ZNF385D: variants seen among roughly 807,000 people sequenced by gnomAD.
ZNF385D encodes zinc finger protein 385D.
In ZNF385D, 15 loss-of-function variants were observed where a neutral mutation model predicts 35.8. The observed-to-expected ratio is 0.42, with a 90% CI of 0.28 to 0.64. The LOEUF is 0.64. ZNF385D is among the 30% of genes least tolerant of loss of function. The pLI is 0.23. For synonymous variants in ZNF385D, 212 were observed against 186.8 expected (o/e 1.13, Z -1.10); for missense variants, 474 against 494.6 (o/e 0.96, Z 0.39).
At chr3:21,881,250 C>T (rs1050397577) in intron 3 of ZNF385D, among the ~76,000 whole-genome samples, 1 of 152,030 alleles carries the variant, frequency 6.6e-6, no homozygotes, top group East Asian at 1.9e-4. Context: ...GAAGTTAGTG[C>T]CTGGCATCAA....
At chr3:21,640,279 T>C (rs892466487) in intron 2 of ZNF385D, among the ~76,000 whole-genome samples, 3 of 152,142 alleles carry the variant, frequency 2.0e-5, no homozygotes, top group Admixed American at 1.3e-4. Context: ...CACTTTTTGA[T>C]TGAGCCATGA....
At chr3:22,123,956 C>CTATATA (rs1289766270) in intron 3 of ZNF385D, among the ~76,000 whole-genome samples, 5 of 86,638 alleles carry the variant, frequency 5.8e-5, no homozygotes, top group South Asian at 3.8e-4. Context: ...CTCTCTCTCT[C>CTATATA]TCTCTCTATA....
In ZNF385D at chr3:21,865,045, C is replaced by CTTTTT. The variant is rs3073907; in HGVS notation, c.326-200022_326-200018dup. Among the ~76,000 whole-genome samples, 42 of 21,200 alleles carry CTTTTT rather than the reference C, an allele frequency of 2.0e-3. 4 individuals carry two copies. Among genetic ancestry groups the CTTTTT allele is most frequent in the East Asian group, 0.012 (6 of 518 alleles). 13.9% of individuals were successfully genotyped at this position (21,200 alleles called of 152,430 possible). A position where few individuals can be genotyped will look rare whatever the true frequency, so the allele number is the denominator to read the frequency against. Reference sequence around the variant, plus strand: ...ATTACTCTGTGGGGTACAGGGAAGACTTTTTTTTTTTTTTTTTTTTTTTTT... The same window carrying CTTTTT: ...ATTACTCTGTGGGGTACAGGGAAGACTTTTTTTTTTTTTTTTTTTTTTTTTTTTTT... On this transcript the variant is annotated intron_variant, in intron 3 of 5. Transcript: ENST00000494108.
intron 3 of ZNF385D, among the ~76,000 whole-genome samples, chr3:22,087,525 A>G (rs1337599894): frequency 6.6e-6 from 1 of 152,160 alleles, no homozygotes; most frequent in Non-Finnish European, 1.5e-5. Flanking sequence ...GAAATGTAAC[A>G]TGATGACTGG....
intron 3 of ZNF385D, among the ~76,000 whole-genome samples, chr3:21,925,782 T>TA (rs200407797): frequency 1.7e-4 from 26 of 151,690 alleles, no homozygotes; most frequent in Non-Finnish European, 1.0e-4. Context: ...AACTTGACAG[T>TA]AAAAAAAACC....
In ZNF385D at chr3:22,122,678, G is replaced by T. The variant is rs555585307; in HGVS notation, c.325+46139C>A. On this transcript the variant is annotated intron_variant, in intron 3 of 5. Transcript: ENST00000494108. ...TCTATGGAAGAAAGAAGAACAGAGAGTATATATATGGGGGAGGTAACAATT... is the reference window on the plus strand; with the variant it reads ...TCTATGGAAGAAAGAAGAACAGAGATTATATATATGGGGGAGGTAACAATT... Among the ~76,000 whole-genome samples the T allele has an allele frequency of 3.3e-5, 5 of 152,136 alleles. No individual in the cohort carries two copies. The East Asian group carries it at 9.6e-4, about 29-fold the overall frequency.
intron 4 of ZNF385D, among the ~76,000 whole-genome samples, chr3:21,496,016 A>T (rs1360317234): frequency 1.3e-5 from 2 of 151,948 alleles, no homozygotes; most frequent in African/African-American, 4.8e-5. Flanking sequence ...TGAATCCCTG[A>T]AAAAACCAAT....
chr3:21,620,302 A>C (rs1411806884), intron 2 of ZNF385D, among the ~76,000 whole-genome samples: 1 of 152,102 alleles, frequency 6.6e-6, no homozygotes, highest in African/African-American at 2.4e-5. Flanking sequence ...CCACTACTCA[A>C]ATGAATCATC....
intron 1 of ZNF385D, among the ~76,000 whole-genome samples, chr3:21,671,981 T>C (rs1054857031): frequency 6.6e-6 from 1 of 152,144 alleles, no homozygotes; most frequent in Non-Finnish European, 1.5e-5. Flanking sequence ...ATCGGATAAA[T>C]AAATATGTGT....
At position 21,429,909 on chromosome 3, in the gene ZNF385D, G is replaced by T. The variant is rs148578734; in HGVS notation, c.674-4239C>A. Among the ~76,000 whole-genome samples, 17 of 152,076 alleles carry T rather than the reference G, an allele frequency of 1.1e-4. No homozygotes were observed. The South Asian group carries it at 1.7e-3, about 15-fold the overall frequency. On this transcript the variant is annotated intron_variant, in intron 5 of 7. Transcript: ENST00000281523. ...AAAGTGGTCAGTCTCCATACAAACA[G>T]CAAAATGCAAAGCTGTTTTTTTTTG...
chr3:21,512,330 G>A (rs1416452654), intron 3 of ZNF385D, among the ~76,000 whole-genome samples: 2 of 151,882 alleles, frequency 1.3e-5, no homozygotes, highest in Non-Finnish European at 2.9e-5. Context: ...CCCACAAAAG[G>A]ATATCTCAGT....
chr3:21,756,335 G>T (rs1244744030), intron 3 of ZNF385D, among the ~76,000 whole-genome samples: 1 of 152,098 alleles, frequency 6.6e-6, no homozygotes, highest in Non-Finnish European at 1.5e-5. Flanking sequence ...ACAATTTGAG[G>T]ACTGAGCAAA....
chr3:21,934,935 T>A (rs1173257051), intron 3 of ZNF385D, among the ~76,000 whole-genome samples: 2 of 152,212 alleles, frequency 1.3e-5, no homozygotes, highest in Non-Finnish European at 2.9e-5. Flanking sequence ...GCACATATAT[T>A]AGCTATGTCT....
intron 1 of ZNF385D, among the ~76,000 whole-genome samples, chr3:21,747,557 A>G (rs1289553229): frequency 6.6e-6 from 1 of 152,194 alleles, no homozygotes; most frequent in African/African-American, 2.4e-5. Context: ...ACCACTGGCA[A>G]CGACTCACCT....
intron 3 of ZNF385D, among the ~76,000 whole-genome samples, chr3:21,514,940 T>C (rs1214360604): frequency 6.6e-6 from 1 of 152,102 alleles, no homozygotes; most frequent in Non-Finnish European, 1.5e-5. Flanking sequence ...CTAATAAGTG[T>C]CATCCCAGAG....
intron 3 of ZNF385D, among the ~76,000 whole-genome samples, chr3:22,123,142 A>G (rs188884262): frequency 2.7e-4 from 41 of 152,176 alleles, no homozygotes; most frequent in Non-Finnish European, 4.1e-4. Context: ...TTAGAATAGC[A>G]TAAGATGAGA....
chr3:22,275,675 T>G (rs992793756), intron 2 of ZNF385D, among the ~76,000 whole-genome samples: 4 of 152,160 alleles, frequency 2.6e-5, no homozygotes, highest in Non-Finnish European at 5.9e-5. Flanking sequence ...TTTTATCAAC[T>G]TTAATAAATG....
intron 2 of ZNF385D, among the ~76,000 whole-genome samples, chr3:21,566,674 T>TTTC (rs1452957375): frequency 6.6e-6 from 1 of 152,138 alleles, no homozygotes; most frequent in Non-Finnish European, 1.5e-5. Context: ...TCTATAATAT[T>TTTC]TTCTTTTTAT....
rs912103691 is a variant in ZNF385D, at chr3:21,414,054, C to T, written c.*7160G>A. 2.0e-5 allele frequency: 3 copies of T among 151,712 alleles called. No individual in the cohort carries two copies. Among genetic ancestry groups the T allele is most frequent in the Non-Finnish European group, 2.9e-5 (2 of 67,940 alleles). The allele number at this position is 151,712 out of a possible 1,614,324, so 9.4% of individuals were successfully genotyped here. On this transcript the variant is annotated 3_prime_UTR_variant, in exon 8 of 8. Coordinates refer to ENST00000281523, the MANE Select transcript of ZNF385D (RefSeq NM_024697.3). ...TCCCCGACTGACCACTCTTGGTAGT[C>T]GATTTAAAATTTGTTGTAAAATTTC...
Sources: gnomAD v4.1 joint callset for allele counts (sites outside exome capture counted in the v4.1 genomes callset) on GRCh38, gnomAD v4.1.1 for gene constraint, MANE v1.5 for transcripts, NCBI Gene and HGNC (gene_info 2026-07-23, HGNC 2026-07-21) for gene names.